RUNX3: variants seen among roughly 807,000 people sequenced by gnomAD.
RUNX3 encodes the protein RUNX family transcription factor 3.
Under a neutral mutation model 27.7 loss-of-function variants are expected in RUNX3, and 10 were observed. The observed-to-expected ratio is 0.36, with a 90% CI of 0.22 to 0.61. The LOEUF (loss-of-function observed/expected upper bound fraction) is 0.61. Among genes scored for constraint, RUNX3 ranks in the 20% least tolerant of loss-of-function variants. The pLI is 0.72. For synonymous variants in RUNX3, 270 were observed against 269.2 expected (o/e 1.00, Z -0.03); for missense variants, 469 against 629.5 (o/e 0.75, Z 2.73).
chr1:24,928,446 G>A (rs1286802954), intron 1 of RUNX3, among the ~76,000 whole-genome samples: 1 of 152,106 alleles, frequency 6.6e-6, no homozygotes, highest in Non-Finnish European at 1.5e-5. Context: ...AGCACGGAGA[G>A]GCGGATGCCT....
At chr1:24,929,379 C>T (rs1470698954) in intron 1 of RUNX3, 1 of 704,868 alleles carries the variant, frequency 1.4e-6, no homozygotes, top group Admixed American at 2.0e-5. Flanking sequence ...GGGGCAACCC[C>T]GTTAAAAGTC....
chr1:24,963,797 G>T (rs995850859), intron 2 of RUNX3, among the ~76,000 whole-genome samples: 2 of 152,142 alleles, frequency 1.3e-5, no homozygotes, highest in African/African-American at 4.8e-5. Flanking sequence ...GAGGCTCCAG[G>T]TCGGGGATCC....
chr1:24,964,838 A>G (rs1642218090), exon 1 of RUNX3: 1 of 795,106 alleles, frequency 1.3e-6, no homozygotes, highest in South Asian at 1.9e-5. Flanking sequence ...GTTTGTACCC[A>G]AGAATTTGGA....
intron 3 of RUNX3, among the ~76,000 whole-genome samples, chr1:24,910,318 G>T (rs1452445300): frequency 6.6e-6 from 1 of 151,968 alleles, no homozygotes; most frequent in South Asian, 2.1e-4. Context: ...AATGTGGGAG[G>T]GGGTAAGGGG....
intron 1 of RUNX3, chr1:24,929,343 A>G (rs1371557136): frequency 2.9e-6 from 2 of 691,754 alleles, no homozygotes; most frequent in African/African-American, 3.5e-5. Context: ...GTCTCTACGC[A>G]AGGCGCCCCA....
chr1:24,943,909 A>G lies in RUNX3; in HGVS notation c.59-14057T>C, dbSNP rs546758927. On this transcript the variant is annotated intron_variant, in intron 2 of 6. Coordinates refer to the RUNX3 transcript ENST00000338888. This position sits in a 1 kb window ranked among gnomAD's most constrained non-coding sequence, Gnocchi z 4.6. Reference sequence around the variant, plus strand: ...GAAAGCCTCTTCCTTCTCATCTTGCAGTACTCTAAGAAGAGTTTGGCCTTT... The same window carrying G: ...GAAAGCCTCTTCCTTCTCATCTTGCGGTACTCTAAGAAGAGTTTGGCCTTT... Among the ~76,000 whole-genome samples, 1 of 152,326 alleles carries G rather than the reference A, an allele frequency of 6.6e-6. No homozygotes were observed. The highest frequency in any genetic ancestry group is 1.9e-4 in the East Asian group (1 of 5,178).
chr1:24,929,857 G>A lies in RUNX3; in HGVS notation c.12C>T (p.Pro4=). ...AGCGGCGGCTGGTGCTTGGGTCTAC[G>A]GGAATACGCATAACAGCGGCCGTCA... MRI[P]VDPSTSRRFT... The change falls in exon 1 of 5, where the codon CCC becomes CCT. Residue 4 remains proline, a synonymous_variant. Coordinates refer to ENST00000308873, the MANE Select transcript of RUNX3 (RefSeq NM_004350.3). The A allele has an allele frequency of 7.4e-7, 1 of 1,357,226 alleles. No homozygotes were observed. Among genetic ancestry groups the A allele is most frequent in the Non-Finnish European group, 9.4e-7 (1 of 1,063,750 alleles). 84.1% of individuals were successfully genotyped at this position (1,357,226 alleles called of 1,614,324 possible).
At chr1:24,928,817 C>T (rs930034040) in intron 1 of RUNX3, 2 of 340,972 alleles carry the variant, frequency 5.9e-6, no homozygotes, top group South Asian at 4.4e-5. Context: ...CAGCTTCCAG[C>T]CACCTCGGGC....
chr1:24,908,011 C>T (rs1640706072), intron 3 of RUNX3, among the ~76,000 whole-genome samples: 1 of 152,026 alleles, frequency 6.6e-6, no homozygotes, highest in Non-Finnish European at 1.5e-5. Context: ...ACCTCTACAA[C>T]ACGCGGTGAT....
intron 2 of RUNX3, among the ~76,000 whole-genome samples, chr1:24,957,551 G>T (rs971247209): frequency 3.3e-5 from 5 of 152,224 alleles, no homozygotes; most frequent in African/African-American, 1.2e-4. Context: ...GGCTGGGAAG[G>T]CTCCCCAAGG....
At chr1:24,932,513 C>G (rs1345491946), upstream of RUNX3, among the ~76,000 whole-genome samples, 1 of 152,186 alleles carries the variant, frequency 6.6e-6, no homozygotes, top group Admixed American at 6.5e-5. Context: ...CGACCGCCCC[C>G]GAGGAGCTGC....
chr1:24,963,802 G>A (rs558612905), intron 2 of RUNX3, among the ~76,000 whole-genome samples: 1 of 152,266 alleles, frequency 6.6e-6, no homozygotes, highest in East Asian at 1.9e-4. Flanking sequence ...TCCAGGTCGG[G>A]GATCCCAGAC....
At chr1:24,957,685 C>T (rs1481439513) in intron 2 of RUNX3, among the ~76,000 whole-genome samples, 1 of 152,232 alleles carries the variant, frequency 6.6e-6, no homozygotes, top group Non-Finnish European at 1.5e-5. Flanking sequence ...TAATTTCTGG[C>T]ATTCCATGAG....
intron 2 of RUNX3, among the ~76,000 whole-genome samples, chr1:24,946,066 A>G (rs1009559467): frequency 6.6e-6 from 1 of 152,188 alleles, no homozygotes; most frequent in African/African-American, 2.4e-5. Context: ...TGAATGAATG[A>G]ATGAGTGAGT....
rs1460519421 is a variant in RUNX3 at position 24,902,152 on chromosome 1, G to A, written c.1218C>T (p.Arg406=). 1.3e-6 allele frequency: 2 copies of A among 1,567,030 alleles called. No homozygotes were observed. Among genetic ancestry groups the A allele is most frequent in the South Asian group, 2.3e-5 (2 of 85,796 alleles). ...AGGGCCGCCACACGGCCTCATCCATGCGGCCTGGCGTGCTCAGGGCCGTGG... is the reference window on the plus strand; with the variant it reads ...AGGGCCGCCACACGGCCTCATCCATACGGCCTGGCGTGCTCAGGGCCGTGG... ...NSPTALSTPG[R]MDEAVWRPY is the part of the protein sequence containing the mutation. Residue 406 remains arginine, a synonymous_variant, in exon 5 of 5, where the codon CGC becomes CGT. Coordinates refer to ENST00000308873, the MANE Select transcript of RUNX3 (RefSeq NM_004350.3). This position sits in a 1 kb window ranked among gnomAD's most constrained non-coding sequence, Gnocchi z 9.2.
chr1:24,902,330 G>T lies in RUNX3; in HGVS notation c.1040C>A (p.Ala347Asp), dbSNP rs1640574082. 9 of 1,610,400 alleles carry T rather than the reference G, an allele frequency of 5.6e-6. No homozygotes were observed. The highest frequency in any genetic ancestry group is 7.6e-6 in the Non-Finnish European group (9 of 1,179,478). ...SSGSYQFSMV[A>D]GSSSGGDRSP... Reference sequence around the variant, plus strand: ...GCGGTCGCCCCCACTGCTGCTGCCGGCCACCATGGAGAACTGGTAGGAGCC... The same window carrying T: ...GCGGTCGCCCCCACTGCTGCTGCCGTCCACCATGGAGAACTGGTAGGAGCC... The change falls in exon 5 of 5, where the codon GCC becomes GAC. Residue 347 changes from alanine (A) to aspartate (D), a missense_variant. Around this residue, in one of 3 missense-constraint regions of RUNX3, gnomAD observed 279 missense variants for 343.0 expected, o/e 0.81. Transcript: ENST00000308873. This position sits in a 1 kb window ranked among gnomAD's most constrained non-coding sequence, Gnocchi z 9.2.
Position 24,923,129 on chromosome 1 carries a change from A to T in RUNX3, c.440-3785T>A, listed in dbSNP as rs1431913915. 4.6e-5 allele frequency among the ~76,000 whole-genome samples: 7 copies of T among 152,186 alleles called. No homozygotes were observed. In the East Asian group the frequency reaches 1.3e-3, roughly 29 times the overall value. ...TGAGAAGTGAGAAGCCCCCACCCAT[A>T]CCAGGTAGCAAACCACATGCCACCC... On this transcript the variant is annotated intron_variant, in intron 2 of 4. Transcript: ENST00000308873. The surrounding 1 kb of genome is among the most constrained non-coding windows in gnomAD (Gnocchi z 5.9).
rs1307175836 is a variant in RUNX3 at position 24,927,450 on chromosome 1, G to A, written c.439+124C>T. On this transcript the variant is annotated intron_variant, in intron 2 of 4. Transcript: ENST00000308873. The surrounding 1 kb of genome is among the most constrained non-coding windows in gnomAD (Gnocchi z 5.0). ...ATATCCTACAGGATTACAAATTGCT[G>A]TTTTTAGACAGAGCTGCATCTGGAG... 1.2e-5 allele frequency: 11 copies of A among 908,174 alleles called. No individual in the cohort carries two copies. Among genetic ancestry groups the A allele is most frequent in the Non-Finnish European group, 1.9e-5 (11 of 570,898 alleles). 56.3% of individuals were successfully genotyped at this position (908,174 alleles called of 1,614,324 possible). A position where few individuals can be genotyped will look rare whatever the true frequency, so the allele number is the denominator to read the frequency against.
chr1:24,924,092 C>T (rs931774879), intron 2 of RUNX3, among the ~76,000 whole-genome samples: 5 of 152,116 alleles, frequency 3.3e-5, no homozygotes, highest in African/African-American at 1.2e-4. Context: ...TCTGGCTGGT[C>T]GCAGTGGCTC....
Sources: allele counts gnomAD v4.1 joint callset (sites outside exome capture counted in the v4.1 genomes callset), GRCh38; gene constraint gnomAD v4.1.1; regional missense constraint gnomAD v4.1.1; non-coding constraint Gnocchi (gnomAD v3.1); transcripts MANE v1.5; gene names NCBI Gene and HGNC (gene_info 2026-07-23, HGNC 2026-07-21).